ASTN2: variants seen among roughly 807,000 people sequenced by gnomAD.
ASTN2 encodes astrotactin 2, also known as astrotactin-2.
ASTN2 carries 54 observed loss-of-function variants against 139.8 expected under a neutral mutation model. The ratio of observed to expected loss-of-function variants is 0.39; its 90% confidence interval spans 0.31 to 0.48. The LOEUF is 0.48. Ranked by LOEUF, ASTN2 falls within the 20% of genes least tolerant of loss-of-function variation. The pLI is 0.95. For synonymous variants in ASTN2, 756 were observed against 719.5 expected (o/e 1.05, Z -0.81); for missense variants, 1,565 against 1,725.1 (o/e 0.91, Z 1.64).
chr9:117,005,584 G>T (rs1223025974), intron 7 of ASTN2, among the ~76,000 whole-genome samples: 1 of 152,086 alleles, frequency 6.6e-6, no homozygotes, highest in African/African-American at 2.4e-5. Context: ...CACCAAAATG[G>T]CCCAAGCCAG....
At chr9:116,780,341 A>C (rs1353433267) in intron 13 of ASTN2, among the ~76,000 whole-genome samples, 1 of 152,216 alleles carries the variant, frequency 6.6e-6, no homozygotes, top group African/African-American at 2.4e-5. Context: ...AGGTAATGAA[A>C]CCAAATTTGC....
intron 19 of ASTN2, among the ~76,000 whole-genome samples, chr9:116,534,065 C>A (rs1055776134): frequency 6.6e-6 from 1 of 152,116 alleles, no homozygotes; most frequent in African/African-American, 2.4e-5. Context: ...TTCAGGGATT[C>A]AACTTCTTCC....
Position 116,444,504 on chromosome 9 carries a change from CTT to C in ASTN2, c.3498-1953_3498-1952del, listed in dbSNP as rs553132548. Among the ~76,000 whole-genome samples the C allele has an allele frequency of 3.7e-3, 566 of 152,300 alleles. 2 individuals are homozygous for C. Among genetic ancestry groups the C allele is most frequent in the African/African-American group, 0.012 (514 of 41,560 alleles). On this transcript the variant is annotated intron_variant, in intron 20 of 22. Transcript: ENST00000313400. The stretch of plus-strand genomic sequence containing the variant: ...TCTGTCTTACTCTAAAACCCACACT[CTT>C]TGCTCTCAGCTGCCATTTTATTGCT...
intron 1 of ASTN2, among the ~76,000 whole-genome samples, chr9:117,383,540 G>A (rs982192348): frequency 6.6e-6 from 1 of 152,062 alleles, no homozygotes; most frequent in African/African-American, 2.4e-5. Context: ...ACTTGTGGGG[G>A]CTGGGGGTGG....
intron 16 of ASTN2, among the ~76,000 whole-genome samples, chr9:116,679,939 C>A (rs568808578): frequency 2.6e-4 from 39 of 152,234 alleles, no homozygotes; most frequent in African/African-American, 9.1e-4. Flanking sequence ...CTAAAATTGA[C>A]ACCCTAACAT....
intron 7 of ASTN2, among the ~76,000 whole-genome samples, chr9:116,980,854 A>G (rs138557900): frequency 6.6e-6 from 1 of 152,158 alleles, no homozygotes; most frequent in East Asian, 1.9e-4. Flanking sequence ...AGGGTAATTA[A>G]CCTCTTCCCT....
chr9:117,022,819 G>GAGTGGGC (rs926777556), intron 6 of ASTN2, among the ~76,000 whole-genome samples: 1 of 152,124 alleles, frequency 6.6e-6, no homozygotes, highest in African/African-American at 2.4e-5. Flanking sequence ...GATGGAATCA[G>GAGTGGGC]AGTGGGCAGT....
intron 7 of ASTN2, among the ~76,000 whole-genome samples, chr9:116,983,991 G>A (rs973669766): frequency 5.3e-5 from 8 of 152,176 alleles, no homozygotes; most frequent in Admixed American, 1.3e-4. Flanking sequence ...GATATGCAGC[G>A]TTATTTTGGC....
intron 1 of ASTN2, among the ~76,000 whole-genome samples, chr9:117,295,796 A>G (rs1834717092): frequency 6.6e-6 from 1 of 152,040 alleles, no homozygotes; most frequent in South Asian, 2.1e-4. Flanking sequence ...TGAAAACTCC[A>G]AAGTGGGAAA....
intron 3 of ASTN2, among the ~76,000 whole-genome samples, chr9:117,150,748 G>A (rs541202677): frequency 9.2e-5 from 14 of 152,298 alleles, no homozygotes; most frequent in African/African-American, 3.1e-4. Context: ...AGACTGGAGT[G>A]CAGTGGTGCA....
intron 10 of ASTN2, among the ~76,000 whole-genome samples, chr9:116,896,051 TC>T (rs1395243044): frequency 6.6e-6 from 1 of 152,232 alleles, no homozygotes; most frequent in Admixed American, 6.5e-5. Flanking sequence ...TCATTAAGTG[TC>T]CTTGTTAAGT....
chr9:116,663,630 T>C (rs993840666), intron 16 of ASTN2, among the ~76,000 whole-genome samples: 6 of 152,198 alleles, frequency 3.9e-5, no homozygotes, highest in African/African-American at 1.2e-4. Context: ...GAAGGATCAA[T>C]GAGCCCACTC....
intron 10 of ASTN2, among the ~76,000 whole-genome samples, chr9:116,917,560 A>G (rs1181509127): frequency 3.9e-5 from 6 of 152,254 alleles, no homozygotes; most frequent in Admixed American, 1.3e-4. Flanking sequence ...CTTTTTCCTC[A>G]TAACTTGTTA....
intron 1 of ASTN2, among the ~76,000 whole-genome samples, chr9:117,408,173 G>A (rs372051431): frequency 1.3e-5 from 2 of 151,788 alleles, no homozygotes; most frequent in South Asian, 2.1e-4. Context: ...AGGGGGAGAG[G>A]AAAGAGTGTC....
intron 5 of ASTN2, among the ~76,000 whole-genome samples, chr9:117,087,218 TTTTGTTTG>T (rs150670523): frequency 2.9e-4 from 44 of 150,544 alleles, no homozygotes; most frequent in Middle Eastern, 3.4e-3. Flanking sequence ...ATTTTTTTCT[TTTTGTTTG>T]TTTGTTTGTT....
intron 7 of ASTN2, among the ~76,000 whole-genome samples, chr9:116,989,549 T>C (rs912066140): frequency 3.9e-5 from 6 of 152,022 alleles, no homozygotes; most frequent in African/African-American, 1.4e-4. Flanking sequence ...ACCCAGCTAA[T>C]TTTCACTTTG....
intron 12 of ASTN2, among the ~76,000 whole-genome samples, chr9:116,813,775 C>T (rs1831229035): frequency 6.6e-6 from 1 of 152,082 alleles, no homozygotes; most frequent in Non-Finnish European, 1.5e-5. Flanking sequence ...TGGCTCATGC[C>T]TATAATCCCA....
chr9:116,928,815 A>G (rs773915005), intron 10 of ASTN2, among the ~76,000 whole-genome samples: 23 of 152,124 alleles, frequency 1.5e-4, no homozygotes, highest in Middle Eastern at 3.2e-3. Context: ...AACAGTGGCC[A>G]TTTTAAAGCA....
intron 3 of ASTN2, among the ~76,000 whole-genome samples, chr9:117,192,014 C>T (rs1831362464): frequency 6.6e-6 from 1 of 152,122 alleles, no homozygotes; most frequent in African/African-American, 2.4e-5. Flanking sequence ...GCAATTAATG[C>T]TGGGAAGTGA....
Sources: allele counts gnomAD v4.1 joint callset (sites outside exome capture counted in the v4.1 genomes callset), GRCh38; gene constraint gnomAD v4.1.1; transcripts MANE v1.5; gene names NCBI Gene and HGNC (gene_info 2026-07-23, HGNC 2026-07-21).